Variants in SLC10A7 observed in about 807,000 individuals in gnomAD.
SLC10A7 encodes the protein solute carrier family 10 member 7.
Under a neutral mutation model 43.2 loss-of-function variants are expected in SLC10A7, and 29 were observed. The observed-to-expected ratio is 0.67, with a 90% CI of 0.50 to 0.92. The LOEUF (loss-of-function observed/expected upper bound fraction) is 0.92, where lower values mean the gene tolerates loss of function less well. Among genes scored for constraint, SLC10A7 ranks in the 40% least tolerant of loss-of-function variants. SLC10A7 has a pLI of 0.00. For missense variants in SLC10A7, 295 were observed against 403.2 expected, an observed-to-expected ratio of 0.73 and a Z score of 2.30; for synonymous variants, 152 against 144.8, an observed-to-expected ratio of 1.05 and a Z score of -0.35.
At chr4:146,516,312 T>C (rs1737953636) in intron 2 of SLC10A7, among the ~76,000 whole-genome samples, 1 of 151,686 alleles carries the variant, frequency 6.6e-6, no homozygotes, top group Non-Finnish European at 1.5e-5. Context: ...AATGTAAAAA[T>C]GTCTGGATTT....
At chr4:146,388,480 T>A (rs921795972) in intron 5 of SLC10A7, among the ~76,000 whole-genome samples, 1 of 152,088 alleles carries the variant, frequency 6.6e-6, no homozygotes, top group Admixed American at 6.6e-5. Context: ...TAGAAGAGGC[T>A]GCGCATGGTG....
At chr4:146,395,889 A>C (rs556488093) in intron 5 of SLC10A7, among the ~76,000 whole-genome samples, 131 of 152,316 alleles carry the variant, frequency 8.6e-4, no homozygotes, top group African/African-American at 3.1e-3. Context: ...TGAACTCTAT[A>C]GAACTTAGCA....
chr4:146,370,337 T>A (rs939883454), intron 5 of SLC10A7, among the ~76,000 whole-genome samples: 4 of 152,212 alleles, frequency 2.6e-5, no homozygotes, highest in African/African-American at 9.6e-5. Context: ...CATTTGGCCA[T>A]CTTTCTCTCC....
intron 4 of SLC10A7, among the ~76,000 whole-genome samples, chr4:146,477,271 G>C (rs1199963126): frequency 6.6e-6 from 1 of 152,180 alleles, no homozygotes; most frequent in Non-Finnish European, 1.5e-5. Context: ...TCATGCTCTT[G>C]ATAACAATGG....
intron 11 of SLC10A7, among the ~76,000 whole-genome samples, chr4:146,257,539 GC>G (rs1015377693): frequency 5.5e-4 from 83 of 152,274 alleles, no homozygotes; most frequent in Admixed American, 5.4e-3. Context: ...ATGGTCTCAG[GC>G]CAGCTGCTCA....
chr4:146,272,918 G>A (rs1323939903), intron 10 of SLC10A7, among the ~76,000 whole-genome samples: 1 of 152,154 alleles, frequency 6.6e-6, no homozygotes, highest in African/African-American at 2.4e-5. Context: ...ATGTGGCAAA[G>A]TCTTCATCAG....
chr4:146,386,828 T>C lies in SLC10A7; in HGVS notation c.435+55955A>G, dbSNP rs149415199. On this transcript the variant is annotated intron_variant, in intron 5 of 11. Coordinates refer to ENST00000335472, the MANE Select transcript of SLC10A7 (RefSeq NM_001029998.6). ...TTCTTCTTGGAAGGACAATTATTTGTATATATGTCTCTCTCCCTTAATAGT... is the reference window on the plus strand; with the variant it reads ...TTCTTCTTGGAAGGACAATTATTTGCATATATGTCTCTCTCCCTTAATAGT... 1.3e-3 allele frequency among the ~76,000 whole-genome samples: 202 copies of C among 152,336 alleles called. 2 individuals carry two copies. Among genetic ancestry groups the C allele is most frequent in the Middle Eastern group, 6.8e-3 (2 of 292 alleles).
intron 7 of SLC10A7, among the ~76,000 whole-genome samples, chr4:146,297,732 T>C (rs931431346): frequency 3.9e-5 from 6 of 152,336 alleles, no homozygotes; most frequent in African/African-American, 1.4e-4. Flanking sequence ...GTCAGAGATA[T>C]GAAATCAAAT....
chr4:146,285,283 G>T (rs1012945476), intron 9 of SLC10A7, among the ~76,000 whole-genome samples: 5 of 152,196 alleles, frequency 3.3e-5, no homozygotes, highest in African/African-American at 4.8e-5. Context: ...AAGATGGTGA[G>T]GCTGGGCAGG....
At chr4:146,519,065 C>T (rs1489790194) in intron 1 of SLC10A7, among the ~76,000 whole-genome samples, 1 of 57,316 alleles carries the variant, frequency 1.7e-5, no homozygotes, top group Non-Finnish European at 3.2e-5. Context: ...GGAAAAATCA[C>T]CATATATATA....
chr4:146,494,066 C>A (rs1484563684), intron 4 of SLC10A7, among the ~76,000 whole-genome samples: 3 of 152,312 alleles, frequency 2.0e-5, no homozygotes, highest in Non-Finnish European at 4.4e-5. Flanking sequence ...CAGTGATAAA[C>A]CTCTGCAATG....
intron 9 of SLC10A7, among the ~76,000 whole-genome samples, chr4:146,291,150 C>T (rs906612623): frequency 3.9e-5 from 6 of 152,182 alleles, no homozygotes; most frequent in Admixed American, 3.9e-4. Context: ...AGGAGTGGTT[C>T]TGATGATCAC....
rs536993811 is a variant in SLC10A7 at position 146,255,833 on chromosome 4, T to A, written c.*658A>T. The A allele has an allele frequency of 6.6e-6, 1 of 152,348 alleles. No individual in the cohort carries two copies. Among genetic ancestry groups the A allele is most frequent in the East Asian group, 1.9e-4 (1 of 5,192 alleles). The allele number at this position is 152,348 out of a possible 1,614,324, so 9.4% of individuals were successfully genotyped here. A position where few individuals can be genotyped will look rare whatever the true frequency, so the allele number is the denominator to read the frequency against. ...TCAAAATTTCACATGATTTCACTCA[T>A]AATTCAAACATTCAGACCCTTTCTT... On this transcript the variant is annotated 3_prime_UTR_variant, in exon 12 of 12. Transcript: ENST00000335472.
At chr4:146,490,460 A>C (rs1735295903) in intron 4 of SLC10A7, among the ~76,000 whole-genome samples, 1 of 152,198 alleles carries the variant, frequency 6.6e-6, no homozygotes, top group Non-Finnish European at 1.5e-5. Flanking sequence ...AGTGTAAATA[A>C]ATATATAAAA....
At chr4:146,361,528 C>A (rs552747440) in intron 5 of SLC10A7, among the ~76,000 whole-genome samples, 8 of 152,150 alleles carry the variant, frequency 5.3e-5, no homozygotes, top group Non-Finnish European at 1.5e-5. Context: ...GCTTATGGCA[C>A]CCCCCTAGTG....
chr4:146,297,223 G>C (rs1321448900), intron 7 of SLC10A7, among the ~76,000 whole-genome samples: 1 of 152,088 alleles, frequency 6.6e-6, no homozygotes, highest in East Asian at 1.9e-4. Flanking sequence ...TCCCTGTGAA[G>C]AGAGAAGGAA....
chr4:146,461,064 A>C (rs977038873), intron 4 of SLC10A7, among the ~76,000 whole-genome samples: 4 of 151,964 alleles, frequency 2.6e-5, no homozygotes, highest in Admixed American at 1.3e-4. Context: ...GATTTGTAAA[A>C]ATGTCTTTTC....
At chr4:146,266,456 CACAT>C (rs1307063842) in intron 10 of SLC10A7, among the ~76,000 whole-genome samples, 5 of 150,792 alleles carry the variant, frequency 3.3e-5, no homozygotes, top group African/African-American at 1.2e-4. Context: ...CGCACACACA[CACAT>C]ACACACAGAC....
intron 5 of SLC10A7, among the ~76,000 whole-genome samples, chr4:146,342,837 T>G (rs1374162570): frequency 6.6e-6 from 1 of 151,848 alleles, no homozygotes; most frequent in Non-Finnish European, 1.5e-5. Context: ...AGGTATGCAT[T>G]TGACAAATTA....
Sources: gnomAD v4.1 joint callset for allele counts (sites outside exome capture counted in the v4.1 genomes callset) on GRCh38, gnomAD v4.1.1 for gene constraint, MANE v1.5 for transcripts, NCBI Gene and HGNC (gene_info 2026-07-23, HGNC 2026-07-21) for gene names.